Variants in SEC24A observed in about 807,000 individuals in gnomAD.
SEC24A encodes protein transport protein Sec24A.
SEC24A carries 93 observed loss-of-function variants against 129.4 expected under a neutral mutation model. The observed-to-expected ratio is 0.72, with a 90% CI of 0.61 to 0.85. SEC24A has a LOEUF of 0.85. Ranked by LOEUF, SEC24A falls within the 40% of genes least tolerant of loss-of-function variation. The pLI, the probability that SEC24A is intolerant of heterozygous loss-of-function variation, is 0.00. For synonymous variants in SEC24A, 460 were observed against 467.3 expected (o/e 0.98, Z 0.20); for missense variants, 1,264 against 1,307.4 (o/e 0.97, Z 0.51).
In SEC24A at chr5:134,724,418, G is replaced by A. The variant is rs372648964; in HGVS notation, c.3168-562G>A. ...AGCCTGACCAACATGGAGAAACCCC[G>A]TCTCTACTAAAAATACAAAATTAGC... On this transcript the variant is annotated intron_variant, in intron 22 of 22. Transcript: ENST00000398844. Among the ~76,000 whole-genome samples, 21 of 151,804 alleles carry A rather than the reference G, an allele frequency of 1.4e-4. No homozygotes were observed. The South Asian group carries it at 2.3e-3, about 17-fold the overall frequency.
At chr5:134,664,393 G>T (rs1750581123) in intron 2 of SEC24A, among the ~76,000 whole-genome samples, 1 of 151,612 alleles carries the variant, frequency 6.6e-6, no homozygotes, top group Non-Finnish European at 1.5e-5. Flanking sequence ...ACTCATTTAG[G>T]GGCTGAGAGG....
chr5:134,723,191 C>G (rs1752670618), intron 21 of SEC24A, among the ~76,000 whole-genome samples: 1 of 152,028 alleles, frequency 6.6e-6, no homozygotes, highest in Non-Finnish European at 1.5e-5. Flanking sequence ...GTAGACCGGG[C>G]ACTGTGGCTC....
At chr5:134,693,208 C>T (rs1040669268) in intron 12 of SEC24A, 9 of 1,518,316 alleles carry the variant, frequency 5.9e-6, no homozygotes, top group African/African-American at 1.4e-5. Context: ...CTGCTGTTGG[C>T]AATGGTGACT....
At position 134,658,125 on chromosome 5, in the gene SEC24A, A is replaced by G. The variant is rs540356150; in HGVS notation, c.98-2994A>G. Among the ~76,000 whole-genome samples, 35 of 152,134 alleles carry G rather than the reference A, an allele frequency of 2.3e-4. 2 individuals are homozygous for G. In the South Asian group the frequency reaches 7.3e-3, roughly 32 times the overall value. On this transcript the variant is annotated intron_variant, in intron 1 of 22. Transcript: ENST00000398844. ...CTCTACTAAAAATACAAAATTAGCCAGCGTGGTGGTGCACACCTGTAATCC... is the reference window on the plus strand; with the variant it reads ...CTCTACTAAAAATACAAAATTAGCCGGCGTGGTGGTGCACACCTGTAATCC...
At chr5:134,722,311 A>G (rs1457321960) in intron 21 of SEC24A, among the ~76,000 whole-genome samples, 1 of 151,936 alleles carries the variant, frequency 6.6e-6, no homozygotes, top group Non-Finnish European at 1.5e-5. Context: ...CCCAACATGG[A>G]GAAACCCCCG....
At chr5:134,719,594 G>A (rs1488136563) in intron 20 of SEC24A, among the ~76,000 whole-genome samples, 1 of 150,438 alleles carries the variant, frequency 6.6e-6, no homozygotes, top group Non-Finnish European at 1.5e-5. Flanking sequence ...AGGCTGATGT[G>A]GGAAGATCAC....
chr5:134,675,068 A>C lies in SEC24A; in HGVS notation c.1002A>C (p.Leu334Phe). 1.2e-6 allele frequency: 2 copies of C among 1,605,940 alleles called. No individual in the cohort carries two copies. Among genetic ancestry groups the C allele is most frequent in the Non-Finnish European group, 1.7e-6 (2 of 1,174,534 alleles). ...FTQTPLGANHLTTSMSGLSLQ... is the reference protein window; with the variant it reads ...FTQTPLGANHFTTSMSGLSLQ... The stretch of plus-strand genomic sequence containing the variant: ...AGACTCCCTTAGGTGCTAATCATTT[A>C]ACCACAAGCATGAGTGGATTAAGTC... Residue 334 changes from leucine to phenylalanine, a missense_variant, in exon 6 of 23, where the codon TTA (leucine) becomes TTC (phenylalanine). Leu to Phe is a conservative substitution (Grantham distance 22). Transcript: ENST00000398844.
At chr5:134,668,952 A>G (rs956926672) in intron 3 of SEC24A, among the ~76,000 whole-genome samples, 14 of 150,814 alleles carry the variant, frequency 9.3e-5, no homozygotes, top group African/African-American at 3.4e-4. Context: ...TGTGCCTGTA[A>G]TCCCAGCTAC....
At chr5:134,688,482 G>T (rs1190792277) in intron 11 of SEC24A, among the ~76,000 whole-genome samples, 183 bp downstream of exon 11, 7 of 152,114 alleles carry the variant, frequency 4.6e-5, no homozygotes, top group Non-Finnish European at 1.0e-4. Flanking sequence ...GGAAATGGGG[G>T]TTATGGAGAC....
intron 3 of SEC24A, among the ~76,000 whole-genome samples, chr5:134,669,145 A>G (rs1580692386): frequency 6.6e-6 from 1 of 152,118 alleles, no homozygotes; most frequent in African/African-American, 2.4e-5. Context: ...ATCAAGTTAC[A>G]TTAAATATTT....
chr5:134,684,712 C>T (rs1040275158), intron 9 of SEC24A, among the ~76,000 whole-genome samples: 2 of 150,904 alleles, frequency 1.3e-5, no homozygotes, highest in Non-Finnish European at 2.9e-5. Flanking sequence ...GACTCCATCT[C>T]AAAAAACAAA....
Position 134,656,463 on chromosome 5 carries a change from C to A in SEC24A, c.98-4656C>A, listed in dbSNP as rs116763388. ...AGTGTGTTTAAAATAACTCTTCGAT[C>A]TCTCTTCCCTTTGCCATTCCCCACC... On this transcript the variant is annotated intron_variant, in intron 1 of 22. Coordinates refer to ENST00000398844, the MANE Select transcript of SEC24A (RefSeq NM_021982.3). Among the ~76,000 whole-genome samples the A allele has an allele frequency of 3.2e-3, 479 of 151,882 alleles. 2 individuals are homozygous for A. The highest frequency in any genetic ancestry group is 4.8e-3 in the Non-Finnish European group (326 of 67,936).
intron 21 of SEC24A, among the ~76,000 whole-genome samples, chr5:134,722,422 G>A (rs895584841): frequency 7.9e-5 from 12 of 151,936 alleles, no homozygotes; most frequent in African/African-American, 2.7e-4. Context: ...AAAATTAGCC[G>A]GGTGTGGTGG....
intron 18 of SEC24A, among the ~76,000 whole-genome samples, chr5:134,711,904 C>T (rs961680161): frequency 1.6e-4 from 25 of 152,004 alleles, no homozygotes; most frequent in East Asian, 1.6e-3. Context: ...CCCACTACCA[C>T]GCCCGGCTAA....
Position 134,723,741 on chromosome 5 carries a change from A to G in SEC24A, c.3167+71A>G, listed in dbSNP as rs182587652. On this transcript the variant is annotated intron_variant, in intron 22 of 22. Transcript: ENST00000398844. ...CCTTGCCAGGACCTGACAAGAGTAT[A>G]GCAAAAAAAAAGAAGAAAGAAAAAG... 3.7e-4 allele frequency: 306 copies of G among 832,122 alleles called. 1 individual carries two copies. In the Middle Eastern group the frequency reaches 7.0e-3, roughly 19 times the overall value. 51.5% of individuals were successfully genotyped at this position (832,122 alleles called of 1,614,324 possible). A position where few individuals can be genotyped will look rare whatever the true frequency, so the allele number is the denominator to read the frequency against.
intron 1 of SEC24A, among the ~76,000 whole-genome samples, chr5:134,659,687 C>T (rs1433300645): frequency 6.9e-6 from 1 of 144,896 alleles, no homozygotes; most frequent in African/African-American, 2.6e-5. Flanking sequence ...CAGGGTCTCA[C>T]TTTGTCACAG....
chr5:134,675,073 C>A lies in SEC24A; in HGVS notation c.1007C>A (p.Thr336Lys). 6.2e-7 allele frequency: 1 copy of A among 1,607,176 alleles called. No individual in the cohort carries two copies. The highest frequency in any genetic ancestry group is 8.5e-7 in the Non-Finnish European group (1 of 1,175,348). The stretch of plus-strand genomic sequence containing the variant: ...CCCTTAGGTGCTAATCATTTAACCA[C>A]AAGCATGAGTGGATTAAGTCTACAA... ...QTPLGANHLT[T>K]SMSGLSLQPE... The change falls in exon 6 of 23, where the codon ACA becomes AAA. Residue 336 changes from threonine to lysine, a missense_variant. Physicochemically the swap from Thr to Lys is moderately conservative, Grantham distance 78. Coordinates refer to ENST00000398844, the MANE Select transcript of SEC24A (RefSeq NM_021982.3).
chr5:134,703,981 G>T (rs753150858), intron 16 of SEC24A, 49 bp downstream of exon 16: 1 of 1,293,044 alleles, frequency 7.7e-7, no homozygotes, highest in East Asian at 2.4e-5. Flanking sequence ...ATATTGTCTG[G>T]ATTTCAAATG....
At chr5:134,719,742 T>TA (rs1752578383) in intron 20 of SEC24A, among the ~76,000 whole-genome samples, 1 of 151,804 alleles carries the variant, frequency 6.6e-6, no homozygotes, top group Non-Finnish European at 1.5e-5. Flanking sequence ...TCCCAGCACT[T>TA]AGAGATGCCA....
Sources: gnomAD v4.1 joint callset for allele counts (sites outside exome capture counted in the v4.1 genomes callset) on GRCh38, gnomAD v4.1.1 for gene constraint, MANE v1.5 for transcripts, NCBI Gene and HGNC (gene_info 2026-07-23, HGNC 2026-07-21) for gene names.